The following AKAP12 variants were observed in gnomAD, a reference collection of about 807,000 sequenced individuals.
AKAP12 encodes A-kinase anchor protein 12.
AKAP12 carries 32 observed loss-of-function variants against 79.9 expected under a neutral mutation model. That is an observed-to-expected ratio of 0.40 (90% confidence interval 0.30 to 0.54). The LOEUF is 0.54. Among genes scored for constraint, AKAP12 ranks in the 20% least tolerant of loss-of-function variants. AKAP12 has a pLI of 0.48. For synonymous variants in AKAP12, 808 were observed against 857.0 expected, an observed-to-expected ratio of 0.94 and a Z score of 1.00; for missense variants, 2,074 against 2,177.0, an observed-to-expected ratio of 0.95 and a Z score of 0.94.
Position 151,349,217 on chromosome 6 carries a change from G to C in AKAP12, c.826G>C (p.Glu276Gln), listed in dbSNP as rs755310817. The C allele has an allele frequency of 6.2e-7, 1 of 1,613,904 alleles. No homozygotes were observed. Among genetic ancestry groups the C allele is most frequent in the South Asian group, 1.1e-5 (1 of 91,080 alleles). Residue 276 changes from glutamate to glutamine, a missense_variant, in exon 4 of 5, where the codon GAA becomes CAA. Physicochemically the swap from Glu to Gln is conservative, Grantham distance 29. Transcript: ENST00000402676. The part of the protein sequence containing the change: ...KEEGEEKQEK[E>Q]PSKSAESPTS... ...GGAAGGAGAAGAGAAACAAGAAAAA[G>C]AACCTAGCAAGTCTGCAGAATCTCC...
chr6:151,250,611 CCT>C (rs1562706098), intron 2 of AKAP12, among the ~76,000 whole-genome samples: 1 of 146,786 alleles, frequency 6.8e-6, no homozygotes. Context: ...CAGATATTTT[CCT>C]TTTTTTTTTT....
intron 2 of AKAP12, among the ~76,000 whole-genome samples, chr6:151,242,238 T>A (rs1203998094): frequency 6.6e-6 from 1 of 152,186 alleles, no homozygotes; most frequent in African/African-American, 2.4e-5. Context: ...CGCCCCGGCT[T>A]TTATACTCCT....
chr6:151,314,294 T>G lies in AKAP12; in HGVS notation c.319+8391T>G, dbSNP rs964191949. ...CCACCCACTTCAGCCTCCCAAGTGC[T>G]GGGATTACAGGCATGAGCCACCGCA... On this transcript the variant is annotated intron_variant, in intron 3 of 4. Coordinates refer to ENST00000402676, the MANE Select transcript of AKAP12 (RefSeq NM_005100.4). Among the ~76,000 whole-genome samples the G allele has an allele frequency of 2.0e-5, 3 of 152,188 alleles. No homozygotes were observed. The South Asian group carries it at 6.2e-4, about 32-fold the overall frequency.
intron 2 of AKAP12, among the ~76,000 whole-genome samples, chr6:151,299,787 T>G (rs1776818649): frequency 6.6e-6 from 1 of 151,758 alleles, no homozygotes; most frequent in East Asian, 1.9e-4. Flanking sequence ...ATGAAGTATT[T>G]ATTACTTATT....
At chr6:151,309,903 G>A (rs914106057) in intron 3 of AKAP12, among the ~76,000 whole-genome samples, 9 of 151,714 alleles carry the variant, frequency 5.9e-5, no homozygotes, top group African/African-American at 2.2e-4. Flanking sequence ...ATGCTGTGCT[G>A]TTCCCAGCAT....
intron 3 of AKAP12, among the ~76,000 whole-genome samples, chr6:151,330,091 G>T (rs562909009): frequency 6.6e-6 from 1 of 152,326 alleles, no homozygotes; most frequent in African/African-American, 2.4e-5. Flanking sequence ...GGGAGGCCAA[G>T]GCAGGTGGAT....
At chr6:151,243,610 A>G (rs996183065) in intron 2 of AKAP12, among the ~76,000 whole-genome samples, 5 of 152,158 alleles carry the variant, frequency 3.3e-5, no homozygotes, top group Admixed American at 2.0e-4. Flanking sequence ...TTTATCTTCT[A>G]TTCAATCTTT....
At chr6:151,278,675 T>G (rs915013472) in intron 2 of AKAP12, among the ~76,000 whole-genome samples, 3 of 150,852 alleles carry the variant, frequency 2.0e-5, no homozygotes, top group Middle Eastern at 3.4e-3. Flanking sequence ...AGTGTCTAGT[T>G]TTTTTTTTTT....
intron 2 of AKAP12, among the ~76,000 whole-genome samples, chr6:151,278,709 C>A (rs865982514): frequency 6.6e-6 from 1 of 150,694 alleles, no homozygotes; most frequent in African/African-American, 2.4e-5. Context: ...GCTCTGTCAC[C>A]CAGGCTGGAG....
At position 151,352,580 on chromosome 6, in the gene AKAP12, C is replaced by T. The variant is rs1162849621; in HGVS notation, c.4189C>T (p.Pro1397Ser). ...AGTCAGCAGTTTGGAAGGAAGCCCT[C>T]CTCCCTGCCTAGGTCAAGAGGAGGC... ...KEVSSLEGSP[P>S]PCLGQEEAVC... is the part of the protein sequence containing the mutation. The change falls in exon 4 of 5, where the codon CCT becomes TCT. Residue 1397 changes from proline (P) to serine (S), a missense_variant. By Grantham distance (74) the Pro-to-Ser change is moderately conservative (BLOSUM62 -1). Transcript: ENST00000402676. The T allele has an allele frequency of 1.9e-6, 3 of 1,614,164 alleles. No individual in the cohort carries two copies. The highest frequency in any genetic ancestry group is 2.5e-6 in the Non-Finnish European group (3 of 1,180,044).
chr6:151,322,864 T>A (rs1777432345), intron 3 of AKAP12, among the ~76,000 whole-genome samples: 1 of 152,226 alleles, frequency 6.6e-6, no homozygotes, highest in South Asian at 2.1e-4. Context: ...TGGTAAATAT[T>A]TGTTGAGTGA....
At chr6:151,297,699 G>A (rs767019469) in intron 2 of AKAP12, among the ~76,000 whole-genome samples, 3 of 152,068 alleles carry the variant, frequency 2.0e-5, no homozygotes, top group African/African-American at 4.8e-5. Context: ...CCGTGTGAAT[G>A]TGTGTCCTGG....
chr6:151,314,739 G>A (rs2114769481), intron 3 of AKAP12, among the ~76,000 whole-genome samples: 1 of 152,288 alleles, frequency 6.6e-6, no homozygotes, highest in South Asian at 2.1e-4. Context: ...CTGTAGGCTT[G>A]CCCAAGTAAC....
At chr6:151,354,259 C>T (rs1351727621) in intron 4 of AKAP12, among the ~76,000 whole-genome samples, 1 of 151,578 alleles carries the variant, frequency 6.6e-6, no homozygotes, top group Non-Finnish European at 1.5e-5. Flanking sequence ...TTTTTTTTCC[C>T]CTAGCAGTAG....
chr6:151,250,575 A>T (rs560233650), intron 2 of AKAP12, among the ~76,000 whole-genome samples: 2 of 151,744 alleles, frequency 1.3e-5, no homozygotes, highest in Non-Finnish European at 2.9e-5. Context: ...TTTTCTTGGT[A>T]TGTAATAGCA....
intron 2 of AKAP12, among the ~76,000 whole-genome samples, chr6:151,246,871 C>G (rs1261997948): frequency 6.6e-6 from 1 of 152,170 alleles, no homozygotes; most frequent in Non-Finnish European, 1.5e-5. Flanking sequence ...AAATGACCCT[C>G]CTACTTCAGC....
chr6:151,353,231 G>C lies in AKAP12; in HGVS notation c.4840G>C (p.Ala1614Pro). The C allele has an allele frequency of 6.2e-7, 1 of 1,614,176 alleles. No individual in the cohort carries two copies. The highest frequency in any genetic ancestry group is 8.5e-7 in the Non-Finnish European group (1 of 1,180,034). The part of the protein sequence containing the change: ...SAQDETPITS[A>P]KEESESTAVG... ...ACAGGATGAAACACCAATTACTTCA[G>C]CCAAAGAGGAGTCAGAGTCAACCGC... The change falls in exon 4 of 5, where the codon GCC (alanine) becomes CCC (proline). Residue 1614 changes from alanine to proline, a missense_variant. Around this residue, in one of 3 missense-constraint regions of AKAP12, gnomAD observed 614 missense variants for 665.6 expected, o/e 0.92. Coordinates refer to ENST00000402676, the MANE Select transcript of AKAP12 (RefSeq NM_005100.4).
chr6:151,317,497 G>A (rs190902229), intron 3 of AKAP12, among the ~76,000 whole-genome samples: 6 of 152,272 alleles, frequency 3.9e-5, no homozygotes, highest in Non-Finnish European at 8.8e-5. Context: ...TTTCAGACAG[G>A]AATGTGCTTG....
At chr6:151,348,680 T>TGGC in intron 3 of AKAP12, 31 bp from the exon 4 acceptor site, 1 of 355,202 alleles carries the variant, frequency 2.8e-6, no homozygotes, top group South Asian at 3.0e-5. Flanking sequence ...TTTTCTCTTC[T>TGGC]CCCCACCCCC....
Sources: gnomAD v4.1 joint callset for allele counts (sites outside exome capture counted in the v4.1 genomes callset) on GRCh38, gnomAD v4.1.1 for gene constraint, gnomAD v4.1.1 regional missense constraint, MANE v1.5 for transcripts, NCBI Gene and HGNC (gene_info 2026-07-23, HGNC 2026-07-21) for gene names.